Variants in PAK5 observed in about 807,000 individuals in gnomAD.
The protein encoded by PAK5 is p21 (RAC1) activated kinase 5.
In PAK5, 16 loss-of-function variants were observed where a neutral mutation model predicts 65.9. That is an observed-to-expected ratio of 0.24 (90% CI 0.16 to 0.37). PAK5 has a LOEUF of 0.37. PAK5 is among the 10% of genes least tolerant of loss of function. The pLI is 1.00. For synonymous variants in PAK5, 371 were observed against 354.9 expected, an observed-to-expected ratio of 1.05 and a Z score of -0.51; for missense variants, 785 against 903.9, an observed-to-expected ratio of 0.87 and a Z score of 1.69.
At chr20:9,774,304 C>T in intron 1 of PAK5, among the ~76,000 whole-genome samples, 1 of 152,152 alleles carries the variant, frequency 6.6e-6, no homozygotes, top group East Asian at 1.9e-4. Flanking sequence ...CGAACATGCA[C>T]AAAACTGTGA....
intron 4 of PAK5, among the ~76,000 whole-genome samples, chr20:9,573,381 T>A (rs2026338): frequency 3.3e-5 from 5 of 151,970 alleles, no homozygotes; most frequent in South Asian, 2.1e-4. Context: ...TAATTATAGC[T>A]ATGAATTCAC....
At chr20:9,795,208 C>G (rs533186790) in intron 1 of PAK5, among the ~76,000 whole-genome samples, 1 of 152,208 alleles carries the variant, frequency 6.6e-6, no homozygotes, top group Non-Finnish European at 1.5e-5. Flanking sequence ...CTGTTTCCTA[C>G]TGGAAACAAC....
At chr20:9,708,704 C>A (rs2048039443) in intron 2 of PAK5, among the ~76,000 whole-genome samples, 1 of 152,134 alleles carries the variant, frequency 6.6e-6, no homozygotes, top group East Asian at 1.9e-4. Context: ...TCTTGGTCTA[C>A]ATGTATGGCA....
At chr20:9,691,072 C>T (rs1254511222) in intron 2 of PAK5, among the ~76,000 whole-genome samples, 1 of 152,098 alleles carries the variant, frequency 6.6e-6, no homozygotes, top group African/African-American at 2.4e-5. Context: ...GCATTTCTGT[C>T]TGTCCCCACA....
At position 9,580,932 on chromosome 20, in the gene PAK5, T is replaced by C; in HGVS notation, c.205-2A>G. ...GGGTTTGTTTCCTCTAACGATTGTC[T>C]GGGAATAATAGAGGGAATATTGTTT... On this transcript the variant is annotated splice_acceptor_variant, in intron 3 of 9. Coordinates refer to ENST00000353224, the MANE Select transcript of PAK5 (RefSeq NM_177990.4). LOFTEE classifies it high-confidence loss of function. The C allele has an allele frequency of 6.4e-7, 1 of 1,564,850 alleles. No homozygotes were observed. Among genetic ancestry groups the C allele is most frequent in the Non-Finnish European group, 8.6e-7 (1 of 1,156,260 alleles).
At chr20:9,608,751 A>G (rs948530279) in intron 3 of PAK5, among the ~76,000 whole-genome samples, 5 of 152,222 alleles carry the variant, frequency 3.3e-5, no homozygotes, top group African/African-American at 9.6e-5. Flanking sequence ...CTGAAACACT[A>G]TTTGAATCAT....
intron 2 of PAK5, among the ~76,000 whole-genome samples, chr20:9,654,147 T>G (rs903818648): frequency 6.6e-6 from 1 of 152,054 alleles, no homozygotes; most frequent in African/African-American, 2.4e-5. Flanking sequence ...CTAATTTTTA[T>G]ATTTTTAGTA....
At chr20:9,662,779 T>C (rs2047363766) in intron 2 of PAK5, among the ~76,000 whole-genome samples, 1 of 152,174 alleles carries the variant, frequency 6.6e-6, no homozygotes. Flanking sequence ...CTTATCATTT[T>C]TTTTTCTGAT....
At chr20:9,552,764 C>T (rs1195921207) in intron 7 of PAK5, among the ~76,000 whole-genome samples, 1 of 150,272 alleles carries the variant, frequency 6.7e-6, no homozygotes, top group African/African-American at 2.4e-5. Context: ...CTTTATCACT[C>T]AGGCTGGAGT....
At chr20:9,544,260 G>A (rs2045309849) in intron 8 of PAK5, 109 bp downstream of exon 8, 1 of 1,176,272 alleles carries the variant, frequency 8.5e-7, no homozygotes, top group Admixed American at 2.1e-5. Context: ...ATCAAATGTG[G>A]AGCTAAAAGT....
rs754435525 is a variant in PAK5 at position 9,665,085 on chromosome 20, G to GTTTTTTTTTTTTTTTTTTTTTTTTTT, written c.-11-20747_-11-20746insAAAAAAAAAAAAAAAAAAAAAAAAAA. 9.1e-5 allele frequency among the ~76,000 whole-genome samples: 9 copies of GTTTTTTTTTTTTTTTTTTTTTTTTTT among 98,890 alleles called. 1 individual carries two copies. The highest frequency in any genetic ancestry group is 3.2e-4 in the African/African-American group (8 of 24,616). The allele number at this position is 98,890 out of a possible 152,430, so 64.9% of individuals were successfully genotyped here. A position where few individuals can be genotyped will look rare whatever the true frequency, so the allele number is the denominator to read the frequency against. On this transcript the variant is annotated intron_variant, in intron 2 of 9. Transcript: ENST00000353224. ...CCACCATGCCCAGCTAAATTTTTCTGTTTTTTTTTTTTTTTGTAGTGATGA... is the reference window on the plus strand; with the variant it reads ...CCACCATGCCCAGCTAAATTTTTCTGTTTTTTTTTTTTTTTTTTTTTTTTTTTTTTTTTTTTTTTTTGTAGTGATGA...
intron 3 of PAK5, among the ~76,000 whole-genome samples, chr20:9,639,631 C>T (rs2047025724): frequency 6.6e-6 from 1 of 152,212 alleles, no homozygotes; most frequent in Admixed American, 6.5e-5. Context: ...ACCCAGTTAA[C>T]ATTTAAGTGT....
chr20:9,752,779 C>A (rs191491177), intron 1 of PAK5, among the ~76,000 whole-genome samples: 2 of 152,104 alleles, frequency 1.3e-5, no homozygotes, highest in Non-Finnish European at 2.9e-5. Flanking sequence ...CAAGCCCTTG[C>A]AATGTGACTT....
intron 7 of PAK5, among the ~76,000 whole-genome samples, chr20:9,554,791 C>T (rs1037182933): frequency 6.6e-6 from 1 of 152,168 alleles, no homozygotes; most frequent in East Asian, 1.9e-4. Context: ...CTGTTCTGAA[C>T]ATGAATGAGT....
intron 3 of PAK5, among the ~76,000 whole-genome samples, chr20:9,613,129 A>C (rs764130981): frequency 2.0e-5 from 3 of 152,218 alleles, no homozygotes; most frequent in Non-Finnish European, 2.9e-5. Flanking sequence ...TATTCCAATA[A>C]AACTTTATTG....
chr20:9,797,391 C>T (rs2049116544), intron 1 of PAK5, among the ~76,000 whole-genome samples: 1 of 150,366 alleles, frequency 6.7e-6, no homozygotes, highest in Non-Finnish European at 1.5e-5. Context: ...CAAACTATCG[C>T]AAGGACAAAA....
intron 4 of PAK5, among the ~76,000 whole-genome samples, chr20:9,579,388 T>C (rs564185948): frequency 6.6e-6 from 1 of 152,332 alleles, no homozygotes; most frequent in African/African-American, 2.4e-5. Context: ...TTCGGACCCA[T>C]AGACCTTTGC....
intron 8 of PAK5, among the ~76,000 whole-genome samples, chr20:9,543,038 C>T (rs961675838): frequency 5.9e-5 from 9 of 152,162 alleles, no homozygotes; most frequent in South Asian, 2.1e-4. Flanking sequence ...GAAAATCATC[C>T]GGTTTAATGC....
chr20:9,769,247 A>G (rs1404956359), intron 1 of PAK5, among the ~76,000 whole-genome samples: 1 of 152,214 alleles, frequency 6.6e-6, no homozygotes, highest in African/African-American at 2.4e-5. Flanking sequence ...TTGAAGCAGG[A>G]CATATTTCCA....
Sources: gnomAD v4.1 joint callset for allele counts (sites outside exome capture counted in the v4.1 genomes callset) on GRCh38, gnomAD v4.1.1 for gene constraint, MANE v1.5 for transcripts, NCBI Gene and HGNC (gene_info 2026-07-23, HGNC 2026-07-21) for gene names.